Variants in PROK2 observed in about 807,000 individuals in gnomAD.
The protein encoded by PROK2 is prokineticin-2.
In PROK2, 8 loss-of-function variants were observed where a neutral mutation model predicts 14.2. That is an observed-to-expected ratio of 0.56 (90% CI 0.33 to 1.02). PROK2 has a LOEUF of 1.02. Among genes scored for constraint, PROK2 ranks in the 50% least tolerant of loss-of-function variants. The probability of loss-of-function intolerance (pLI) is 0.03; values close to 1 mark genes in which losing one functional copy is unlikely to be tolerated. For missense variants in PROK2, 154 were observed against 160.4 expected (o/e 0.96, Z 0.22); for synonymous variants, 59 against 60.7 (o/e 0.97, Z 0.13).
At chr3:71,784,403 A>C (rs1180746222) in intron 1 of PROK2, among the ~76,000 whole-genome samples, 2 of 152,210 alleles carry the variant, frequency 1.3e-5, no homozygotes, top group Admixed American at 6.5e-5. Context: ...GGAACCCAGA[A>C]GGAAGCTCCC....
chr3:71,774,974 G>A (rs1346337157), intron 2 of PROK2, among the ~76,000 whole-genome samples: 1 of 152,128 alleles, frequency 6.6e-6, no homozygotes, highest in African/African-American at 2.4e-5. Context: ...TGTCCCCAGG[G>A]GACATTTGGC....
At chr3:71,778,421 T>C (rs1402979467) in intron 2 of PROK2, among the ~76,000 whole-genome samples, 2 of 152,164 alleles carry the variant, frequency 1.3e-5, no homozygotes, top group African/African-American at 2.4e-5. Flanking sequence ...GACTGTAAAC[T>C]GTACAAGTTA....
intron 1 of PROK2, among the ~76,000 whole-genome samples, chr3:71,783,402 A>G (rs769876493): frequency 3.3e-5 from 5 of 152,160 alleles, no homozygotes; most frequent in Non-Finnish European, 5.9e-5. Context: ...AACAACAAAA[A>G]CAGCACACAT....
At chr3:71,783,586 A>C (rs2050185956) in intron 1 of PROK2, among the ~76,000 whole-genome samples, 1 of 152,230 alleles carries the variant, frequency 6.6e-6, no homozygotes, top group African/African-American at 2.4e-5. Context: ...AACCCATTGC[A>C]AATCTATTCA....
At chr3:71,778,272 T>C (rs1244688882) in intron 2 of PROK2, among the ~76,000 whole-genome samples, 2 of 152,108 alleles carry the variant, frequency 1.3e-5, no homozygotes, top group East Asian at 3.8e-4. Flanking sequence ...AAAACTATTA[T>C]TTGCTTTAAA....
At chr3:71,774,735 T>C (rs951064832) in intron 2 of PROK2, among the ~76,000 whole-genome samples, 14 of 152,210 alleles carry the variant, frequency 9.2e-5, no homozygotes, top group Non-Finnish European at 1.2e-4. Flanking sequence ...AGAATGGTTC[T>C]GTCACTGTGT....
At chr3:71,780,634 A>C (rs1384865658) in intron 2 of PROK2, among the ~76,000 whole-genome samples, 3 of 152,176 alleles carry the variant, frequency 2.0e-5, no homozygotes, top group African/African-American at 7.2e-5. Context: ...GAGGAAGGCA[A>C]TGCAACCTGG....
rs1004652828 is a variant in PROK2, at chr3:71,772,935, G to A, written c.286-107C>T. On this transcript the variant is annotated intron_variant, in intron 3 of 3. Transcript: ENST00000295619. Reference sequence around the variant, plus strand: ...AATAACAATAACTAGTGTTTACTGAGCGTTAACTACCCATTAGGCAATATG... The same window carrying A: ...AATAACAATAACTAGTGTTTACTGAACGTTAACTACCCATTAGGCAATATG... The A allele has an allele frequency of 3.4e-6, 3 of 884,146 alleles. No individual in the cohort carries two copies. The African/African-American group carries it at 5.0e-5, about 15-fold the overall frequency. The allele number at this position is 884,146 out of a possible 1,614,324, so 54.8% of individuals were successfully genotyped here.
intron 1 of PROK2, 53 bp from the exon 2 acceptor site, chr3:71,781,645 T>A: frequency 6.4e-7 from 1 of 1,556,064 alleles, no homozygotes; most frequent in Non-Finnish European, 8.9e-7. Flanking sequence ...AGACTCAGGC[T>A]AAGGAAACCT....
intron 2 of PROK2, among the ~76,000 whole-genome samples, chr3:71,777,585 A>G (rs1226514070): frequency 6.6e-6 from 1 of 152,162 alleles, no homozygotes; most frequent in Admixed American, 6.5e-5. Flanking sequence ...TTTTTAAAAA[A>G]ACCTGGTGCT....
chr3:71,779,076 G>A (rs2050142109), intron 2 of PROK2, among the ~76,000 whole-genome samples: 1 of 152,150 alleles, frequency 6.6e-6, no homozygotes, highest in African/African-American at 2.4e-5. Context: ...TAGGAACTAG[G>A]GAAATAGAAT....
At chr3:71,775,390 T>C (rs977244655) in intron 2 of PROK2, among the ~76,000 whole-genome samples, 4 of 152,180 alleles carry the variant, frequency 2.6e-5, no homozygotes, top group Non-Finnish European at 5.9e-5. Flanking sequence ...CTCTTGATCA[T>C]ACAAGACAGA....
intron 2 of PROK2, among the ~76,000 whole-genome samples, chr3:71,780,054 C>T (rs1160979671): frequency 6.6e-6 from 1 of 152,208 alleles, no homozygotes; most frequent in Non-Finnish European, 1.5e-5. Context: ...AGCGGCCCCT[C>T]TTCTAGGGAA....
At chr3:71,784,847 G>A in intron 1 of PROK2, 110 bp downstream of exon 1, 1 of 986,226 alleles carries the variant, frequency 1.0e-6, no homozygotes, top group Non-Finnish European at 1.3e-6. Context: ...TCCCCGCCCA[G>A]GGCGACCCTC....
chr3:71,778,051 G>A, intron 2 of PROK2, among the ~76,000 whole-genome samples: 1 of 151,984 alleles, frequency 6.6e-6, no homozygotes, highest in Non-Finnish European at 1.5e-5. Context: ...AAAAACATTA[G>A]CCGGGCGTGG....
At chr3:71,782,562 A>T (rs755659194) in intron 1 of PROK2, among the ~76,000 whole-genome samples, 32 of 152,342 alleles carry the variant, frequency 2.1e-4, no homozygotes, top group Non-Finnish European at 4.1e-4. Flanking sequence ...CAAAAAATAG[A>T]ATGCTTTGTT....
intron 2 of PROK2, among the ~76,000 whole-genome samples, chr3:71,779,941 A>C (rs2108195611): frequency 6.6e-6 from 1 of 152,354 alleles, no homozygotes; most frequent in East Asian, 1.9e-4. Flanking sequence ...GAGAAAGTTA[A>C]GAGTAAATGT....
At chr3:71,779,077 G>T (rs575566721) in intron 2 of PROK2, among the ~76,000 whole-genome samples, 20 of 152,348 alleles carry the variant, frequency 1.3e-4, no homozygotes, top group Admixed American at 9.1e-4. Flanking sequence ...AGGAACTAGG[G>T]AAATAGAATT....
chr3:71,777,966 C>G (rs2050132146), intron 2 of PROK2, among the ~76,000 whole-genome samples: 1 of 151,872 alleles, frequency 6.6e-6, no homozygotes, highest in African/African-American at 2.4e-5. Flanking sequence ...GAGGCCGAGG[C>G]AGGCAGATCA....
Sources: gnomAD v4.1 joint callset for allele counts (sites outside exome capture counted in the v4.1 genomes callset) on GRCh38, gnomAD v4.1.1 for gene constraint, MANE v1.5 for transcripts, NCBI Gene and HGNC (gene_info 2026-07-23, HGNC 2026-07-21) for gene names.